Variants in KDM6A observed in about 807,000 individuals in gnomAD.
KDM6A encodes the protein lysine demethylase 6A.
A neutral mutation model predicts 117.6 loss-of-function variants in KDM6A; 11 were observed. The observed-to-expected ratio is 0.09, with a 90% CI of 0.06 to 0.15. The LOEUF (loss-of-function observed/expected upper bound fraction) is 0.15, where lower values mean the gene tolerates loss of function less well. Among genes scored for constraint, KDM6A ranks in the 10% least tolerant of loss-of-function variants. The pLI is 1.00. For synonymous variants in KDM6A, 384 were observed against 396.1 expected (o/e 0.97, Z 0.36); for missense variants, 799 against 1,077.3 (o/e 0.74, Z 3.62).
rs1263240463 is a variant in KDM6A at position 45,112,371 on chromosome X, A to G, written c.*960A>G. 1 of 129,493 alleles carries G rather than the reference A, an allele frequency of 7.7e-6. No homozygotes were observed. Among genetic ancestry groups the G allele is most frequent in the Non-Finnish European group, 1.6e-5 (1 of 64,310 alleles). The allele number at this position is 129,493 out of a possible 1,213,427, so 10.7% of individuals were successfully genotyped here. Reference sequence around the variant, plus strand: ...TTATGTATGTATATATAATATATATAGAAATCTGGATATATATGTATAAAT... The same window carrying G: ...TTATGTATGTATATATAATATATATGGAAATCTGGATATATATGTATAAAT... On this transcript the variant is annotated 3_prime_UTR_variant, in exon 30 of 30. Coordinates refer to ENST00000611820, the MANE Select transcript of KDM6A (RefSeq NM_001291415.2).
At chrX:44,988,598 C>G (rs2040385331) in intron 4 of KDM6A, among the ~76,000 whole-genome samples, 1 of 111,179 alleles carries the variant, frequency 9.0e-6, no homozygotes, top group South Asian at 3.8e-4. Context: ...ATGTGGATGT[C>G]CTTTCTGTTT....
At chrX:45,034,306 A>G in intron 6 of KDM6A, among the ~76,000 whole-genome samples, 2 of 112,101 alleles carry the variant, frequency 1.8e-5, no homozygotes, top group South Asian at 7.3e-4. Context: ...TGGATTCTGT[A>G]TTAGTGGTTT....
chrX:44,878,355 G>A (rs1038029280), intron 2 of KDM6A, among the ~76,000 whole-genome samples: 1 of 111,815 alleles, frequency 8.9e-6, no homozygotes, highest in Non-Finnish European at 1.9e-5. Context: ...AAAGTCATGA[G>A]AGCCTGTCTC....
chrX:44,991,884 G>T (rs969455540), intron 4 of KDM6A, among the ~76,000 whole-genome samples: 2 of 110,173 alleles, frequency 1.8e-5, no homozygotes, highest in Non-Finnish European at 3.8e-5. Flanking sequence ...TAGAGACGGG[G>T]TTTCACCATG....
intron 4 of KDM6A, among the ~76,000 whole-genome samples, chrX:44,992,345 C>G (rs558458557): frequency 9.6e-6 from 1 of 103,791 alleles, no homozygotes; most frequent in East Asian, 3.1e-4. Context: ...CTGCCTCAGC[C>G]TCCCGAGTAG....
rs1234142213 is a variant in KDM6A at position 45,066,858 on chromosome X, G to GC, written c.2080-2716dup. Among the ~76,000 whole-genome samples, 34 of 112,116 alleles carry GC rather than the reference G, an allele frequency of 3.0e-4. No homozygotes were observed. The South Asian group carries it at 0.012, about 39-fold the overall frequency. ...AATTTACCATACTAAGTAGCAGGGA[G>GC]CCCCCAGCCTTTGCTTCACACGCCC... is the stretch of plus-strand genomic sequence containing the variant. On this transcript the variant is annotated intron_variant, in intron 17 of 29. Coordinates refer to ENST00000611820, the MANE Select transcript of KDM6A (RefSeq NM_001291415.2).
intron 2 of KDM6A, among the ~76,000 whole-genome samples, chrX:44,927,034 A>G (rs759574772): frequency 1.9e-4 from 21 of 111,775 alleles, no homozygotes; most frequent in Non-Finnish European, 3.8e-4. Context: ...CTAGCTTATA[A>G]TAGATGCCAT....
intron 4 of KDM6A, among the ~76,000 whole-genome samples, chrX:45,006,522 C>A (rs1050988820): frequency 9.1e-6 from 1 of 110,254 alleles, no homozygotes; most frequent in Non-Finnish European, 1.9e-5. Context: ...CTGTGTCATT[C>A]CCCTCTTGGC....
At chrX:45,027,386 A>G (rs1488216382) in intron 6 of KDM6A, among the ~76,000 whole-genome samples, 8 of 105,664 alleles carry the variant, frequency 7.6e-5, no homozygotes, top group African/African-American at 3.1e-4. Flanking sequence ...TCTCTTAAAG[A>G]AAAAGTTATT....
At chrX:45,059,910 G>A in intron 12 of KDM6A, 112 bp from the exon 13 acceptor site, 2 of 1,084,990 alleles carry the variant, frequency 1.8e-6, no homozygotes, top group South Asian at 4.1e-5. Flanking sequence ...CCCAAATTTA[G>A]AATCTATTTT....
chrX:45,038,372 C>A (rs1162932531), intron 8 of KDM6A, among the ~76,000 whole-genome samples: 2 of 111,107 alleles, frequency 1.8e-5, no homozygotes, highest in Non-Finnish European at 3.8e-5. Context: ...TTAAAGAATT[C>A]TTTTGCTTTT....
chrX:44,906,751 T>G (rs1413713917), intron 2 of KDM6A, among the ~76,000 whole-genome samples: 1 of 111,559 alleles, frequency 9.0e-6, no homozygotes, highest in East Asian at 2.8e-4. Flanking sequence ...CTTCAACTCC[T>G]GTCCTCAAGT....
intron 2 of KDM6A, among the ~76,000 whole-genome samples, chrX:44,884,288 ACT>A (rs1392684431): frequency 9.1e-6 from 1 of 109,866 alleles, no homozygotes; most frequent in Admixed American, 9.9e-5. Context: ...GTTAAACTGA[ACT>A]CTCTAATCAG....
intron 2 of KDM6A, among the ~76,000 whole-genome samples, chrX:44,882,411 A>G (rs1324200769): frequency 8.9e-6 from 1 of 112,252 alleles, no homozygotes; most frequent in Non-Finnish European, 1.9e-5. Context: ...CCCTTATTAC[A>G]TGTAAAATAA....
chrX:45,045,341 A>G (rs1364424554), intron 8 of KDM6A, among the ~76,000 whole-genome samples: 1 of 110,377 alleles, frequency 9.1e-6, no homozygotes, highest in African/African-American at 3.3e-5. Context: ...TAATCCCAAC[A>G]CTTTGTGAGG....
At chrX:44,887,688 T>C (rs1484513045) in intron 2 of KDM6A, among the ~76,000 whole-genome samples, 7 of 111,380 alleles carry the variant, frequency 6.3e-5, no homozygotes, top group Non-Finnish European at 1.3e-4. Flanking sequence ...TAATAGGCTT[T>C]AGTATTGTTT....
At chrX:45,089,549 C>G (rs930891535) in intron 25 of KDM6A, among the ~76,000 whole-genome samples, 194 bp from the exon 26 acceptor site, 2 of 109,696 alleles carry the variant, frequency 1.8e-5, no homozygotes, top group Non-Finnish European at 1.9e-5. Flanking sequence ...AAAAGTAACA[C>G]TGATCTTTAG....
In KDM6A at chrX:45,060,147, A is replaced by G. The variant is rs1309717978; in HGVS notation, c.1320A>G (p.Thr440=). ...ELTSRQGAMN[T]AQQACKPHHP... ...CCTCCAGGCAGGGTGCCATGAACACAGCACAGCAGGTGAGAAGTTGGGTTA... is the reference window on the plus strand; with the variant it reads ...CCTCCAGGCAGGGTGCCATGAACACGGCACAGCAGGTGAGAAGTTGGGTTA... The change falls in exon 13 of 30, where the codon ACA becomes ACG. Residue 440 remains threonine (T), a synonymous_variant. Coordinates refer to ENST00000611820, the MANE Select transcript of KDM6A (RefSeq NM_001291415.2). 8.3e-7 allele frequency: 1 copy of G among 1,210,120 alleles called. No homozygotes were observed. The highest frequency in any genetic ancestry group is 3.0e-5 in the East Asian group (1 of 33,793).
chrX:44,922,434 G>A (rs761353601), intron 2 of KDM6A, among the ~76,000 whole-genome samples: 1 of 111,338 alleles, frequency 9.0e-6, no homozygotes, highest in East Asian at 2.8e-4. Context: ...TCAGTAAAAT[G>A]TCTGTTGATG....
Sources: gnomAD v4.1 joint callset for allele counts (sites outside exome capture counted in the v4.1 genomes callset) on GRCh38, gnomAD v4.1.1 for gene constraint, MANE v1.5 for transcripts, NCBI Gene and HGNC (gene_info 2026-07-23, HGNC 2026-07-21) for gene names.